FMNL2: variants seen among roughly 807,000 people sequenced by gnomAD.
The protein encoded by FMNL2 is formin like 2.
A neutral mutation model predicts 130.2 loss-of-function variants in FMNL2; 51 were observed. The ratio of observed to expected loss-of-function variants is 0.39; its 90% CI spans 0.31 to 0.49. The LOEUF (loss-of-function observed/expected upper bound fraction) is 0.49. Among genes scored for constraint, FMNL2 ranks in the 20% least tolerant of loss-of-function variants. The probability of loss-of-function intolerance (pLI) is 0.85; values close to 1 mark genes in which losing one functional copy is unlikely to be tolerated. For synonymous variants in FMNL2, 465 were observed against 467.1 expected (o/e 1.00, Z 0.06); for missense variants, 977 against 1,316.2 (o/e 0.74, Z 3.99).
chr2:152,442,066 G>T (rs1180575189), intron 1 of FMNL2, among the ~76,000 whole-genome samples: 1 of 151,892 alleles, frequency 6.6e-6, no homozygotes, highest in East Asian at 1.9e-4. Context: ...GGTGAGGGGG[G>T]CCAGGGTGAC....
rs547119938 is a variant in FMNL2, at chr2:152,587,408, A to G, written c.876+6359A>G. ...GTCTGTATACCTCAGTAAGTCTCGT[A>G]CCTCAGTAACTGTATGAGATTTACC... On this transcript the variant is annotated intron_variant, in intron 9 of 25. Coordinates refer to ENST00000288670, the MANE Select transcript of FMNL2 (RefSeq NM_052905.4). Among the ~76,000 whole-genome samples, 3 of 152,266 alleles carry G rather than the reference A, an allele frequency of 2.0e-5. No homozygotes were observed. The East Asian group carries it at 5.8e-4, about 29-fold the overall frequency.
Position 152,614,864 on chromosome 2 carries a change from C to T in FMNL2, c.1076C>T (p.Thr359Ile). The T allele has an allele frequency of 6.2e-7, 1 of 1,611,482 alleles. No homozygotes were observed. The highest frequency in any genetic ancestry group is 1.1e-5 in the South Asian group (1 of 90,650). ...TCTGGTTTTTAGAAGCTGAAACACA[C>T]TGAGAGTGACAAGCTTCAAGTCCAG... ...LDEYLDKLKH[T>I]ESDKLQVQIQ... The change falls in exon 12 of 26, where the codon ACT becomes ATT. Residue 359 changes from threonine (T) to isoleucine (I), a missense_variant. By Grantham distance (89) the Thr-to-Ile change is moderately conservative (BLOSUM62 -1). Coordinates refer to ENST00000288670, the MANE Select transcript of FMNL2 (RefSeq NM_052905.4).
At chr2:152,478,310 G>T (rs1182354894) in intron 1 of FMNL2, among the ~76,000 whole-genome samples, 1 of 143,612 alleles carries the variant, frequency 7.0e-6, no homozygotes, top group Non-Finnish European at 1.5e-5. Flanking sequence ...GAGTACAGTG[G>T]CATGATCTTG....
chr2:152,444,558 C>G (rs1246251424), intron 1 of FMNL2, among the ~76,000 whole-genome samples: 1 of 152,140 alleles, frequency 6.6e-6, no homozygotes, highest in Non-Finnish European at 1.5e-5. Context: ...TAGACTCTAA[C>G]GAGCAAGTAA....
At chr2:152,471,800 G>T (rs377674141) in intron 1 of FMNL2, among the ~76,000 whole-genome samples, 1 of 152,132 alleles carries the variant, frequency 6.6e-6, no homozygotes, top group Non-Finnish European at 1.5e-5. Context: ...CTTTTCTTTG[G>T]AAACGGAAGT....
chr2:152,485,083 C>T (rs1220567541), intron 1 of FMNL2, among the ~76,000 whole-genome samples: 1 of 152,142 alleles, frequency 6.6e-6, no homozygotes. Context: ...TGGGGCTGGG[C>T]ATGGTGGCTC....
At chr2:152,346,592 G>C (rs572769026) in intron 1 of FMNL2, among the ~76,000 whole-genome samples, 1 of 152,024 alleles carries the variant, frequency 6.6e-6, no homozygotes, top group Non-Finnish European at 1.5e-5. Context: ...CCAGCAGTTC[G>C]AGGCTGAAGT....
At chr2:152,400,223 G>A (rs1037065847) in intron 1 of FMNL2, among the ~76,000 whole-genome samples, 3 of 152,072 alleles carry the variant, frequency 2.0e-5, no homozygotes, top group South Asian at 2.1e-4. Context: ...ACTTGAGGTC[G>A]GGGTTTAAGA....
intron 1 of FMNL2, among the ~76,000 whole-genome samples, chr2:152,485,896 T>A (rs1428623925): frequency 6.6e-6 from 1 of 152,190 alleles, no homozygotes; most frequent in Non-Finnish European, 1.5e-5. Context: ...CAAAATTGCT[T>A]ATTAAACCAC....
intron 1 of FMNL2, among the ~76,000 whole-genome samples, chr2:152,377,055 C>G (rs1684216165): frequency 6.6e-6 from 1 of 152,212 alleles, no homozygotes; most frequent in African/African-American, 2.4e-5. Flanking sequence ...TTTTACCAAT[C>G]TCTCTCGAGT....
chr2:152,606,599 A>G (rs1263302354), intron 9 of FMNL2, among the ~76,000 whole-genome samples: 1 of 147,578 alleles, frequency 6.8e-6, no homozygotes, highest in Non-Finnish European at 1.5e-5. Context: ...AAGTCCCCAG[A>G]GAGTCATTTG....
chr2:152,573,750 C>T (rs1043717547), intron 6 of FMNL2, among the ~76,000 whole-genome samples: 1 of 152,142 alleles, frequency 6.6e-6, no homozygotes, highest in Non-Finnish European at 1.5e-5. Flanking sequence ...AAATACCATA[C>T]ATTTTAGAAA....
At position 152,629,726 on chromosome 2, in the gene FMNL2, C is replaced by T. The variant is rs746674039; in HGVS notation, c.2469+2C>T. The stretch of plus-strand genomic sequence containing the variant: ...CAAAAACTCAAGAAAATTCTGGAGG[C>T]AAGTGCAGTTTTTCTTGTAGGTATG... On this transcript the variant is annotated splice_donor_variant, in intron 19 of 25. Transcript: ENST00000288670. LOFTEE classifies it low-confidence loss of function (GC_TO_GT_DONOR). 1.3e-5 allele frequency: 21 copies of T among 1,601,246 alleles called. No individual in the cohort carries two copies. In the South Asian group the frequency reaches 2.1e-4, roughly 16 times the overall value.
intron 3 of FMNL2, among the ~76,000 whole-genome samples, chr2:152,547,158 G>A (rs560696271): frequency 6.6e-6 from 1 of 152,172 alleles, no homozygotes; most frequent in South Asian, 2.1e-4. Context: ...GGCCAAGCTG[G>A]TCCTGAACTC....
intron 20 of FMNL2, among the ~76,000 whole-genome samples, chr2:152,631,371 C>T (rs371961698): frequency 5.9e-5 from 7 of 118,336 alleles, no homozygotes; most frequent in Admixed American, 1.2e-4. Context: ...CCACCCTGGG[C>T]GACAGAACGA....
intron 1 of FMNL2, among the ~76,000 whole-genome samples, chr2:152,433,545 T>G (rs1294468403): frequency 6.6e-6 from 1 of 152,216 alleles, no homozygotes. Flanking sequence ...AGTCAACTCT[T>G]AATGTAGTCT....
At chr2:152,391,332 A>G (rs1029414572) in intron 1 of FMNL2, among the ~76,000 whole-genome samples, 2 of 152,256 alleles carry the variant, frequency 1.3e-5, no homozygotes, top group Non-Finnish European at 2.9e-5. Flanking sequence ...AAGGTTTCAC[A>G]ACAAACACAG....
chr2:152,434,247 C>G (rs1482345809), intron 1 of FMNL2, among the ~76,000 whole-genome samples: 1 of 152,168 alleles, frequency 6.6e-6, no homozygotes, highest in East Asian at 1.9e-4. Flanking sequence ...TCAGCTACAG[C>G]AGGAAAGTAT....
At chr2:152,441,807 C>G (rs1288824926) in intron 1 of FMNL2, among the ~76,000 whole-genome samples, 1 of 150,180 alleles carries the variant, frequency 6.7e-6, no homozygotes, top group Non-Finnish European at 1.5e-5. Context: ...TGCACTCCAG[C>G]CTGGGCAACA....
Sources: allele counts gnomAD v4.1 joint callset (sites outside exome capture counted in the v4.1 genomes callset), GRCh38; gene constraint gnomAD v4.1.1; transcripts MANE v1.5; gene names NCBI Gene and HGNC (gene_info 2026-07-23, HGNC 2026-07-21).